Variants in CNTN5 observed in about 807,000 individuals in gnomAD.
CNTN5 encodes contactin 5, also known as contactin-5.
In CNTN5, 77 loss-of-function variants were observed where a neutral mutation model predicts 129.1. The ratio of observed to expected loss-of-function variants is 0.60; its 90% CI spans 0.50 to 0.72. The LOEUF (loss-of-function observed/expected upper bound fraction) is 0.72, where lower values mean the gene tolerates loss of function less well. Ranked by LOEUF, CNTN5 falls within the 30% of genes least tolerant of loss-of-function variation. The probability of loss-of-function intolerance (pLI) is 0.00; values close to 1 mark genes in which losing one functional copy is unlikely to be tolerated. For missense variants in CNTN5, 1,478 were observed against 1,328.8 expected (o/e 1.11, Z -1.75); for synonymous variants, 509 against 465.6 (o/e 1.09, Z -1.20).
intron 1 of CNTN5, among the ~76,000 whole-genome samples, chr11:99,235,083 T>G (rs1235250208): frequency 6.6e-6 from 1 of 151,758 alleles, no homozygotes; most frequent in Non-Finnish European, 1.5e-5. Context: ...CTTAAAATTA[T>G]ATTGGTAATT....
chr11:99,418,074 T>G (rs1942738335), intron 2 of CNTN5, among the ~76,000 whole-genome samples: 1 of 152,156 alleles, frequency 6.6e-6, no homozygotes, highest in Admixed American at 6.6e-5. Flanking sequence ...ACTTCTCTTT[T>G]ATTTCTGCTG....
At chr11:100,276,852 T>C (rs979199306) in intron 18 of CNTN5, among the ~76,000 whole-genome samples, 5 of 151,266 alleles carry the variant, frequency 3.3e-5, no homozygotes, top group African/African-American at 1.2e-4. Flanking sequence ...AATGTACAAT[T>C]AATTTTTTTT....
At chr11:100,005,267 C>G (rs1940121801) in intron 9 of CNTN5, among the ~76,000 whole-genome samples, 1 of 151,178 alleles carries the variant, frequency 6.6e-6, no homozygotes, top group African/African-American at 2.5e-5. Flanking sequence ...CTTATCCTGT[C>G]CCCCCCACAA....
Position 99,290,082 on chromosome 11 carries a change from A to G in CNTN5, c.-209-35264A>G, listed in dbSNP as rs949810476. On this transcript the variant is annotated intron_variant, in intron 1 of 24. Transcript: ENST00000524871. ...TCTGAATATTTTTAATACCTCCAGA[A>G]CACTGTCCTTCTTATTTAAAATTAT... Among the ~76,000 whole-genome samples the G allele has an allele frequency of 7.9e-5, 12 of 151,848 alleles. 1 individual carries two copies. Among genetic ancestry groups the G allele is most frequent in the Non-Finnish European group, 1.5e-4 (10 of 67,760 alleles).
At chr11:99,698,073 T>G (rs1954350632) in intron 3 of CNTN5, among the ~76,000 whole-genome samples, 1 of 149,270 alleles carries the variant, frequency 6.7e-6, no homozygotes, top group Admixed American at 6.7e-5. Context: ...TTTTTTTTTT[T>G]AACTTCTGAA....
intron 1 of CNTN5, among the ~76,000 whole-genome samples, chr11:99,162,598 C>T (rs1259332553): frequency 6.6e-6 from 1 of 152,050 alleles, no homozygotes; most frequent in Non-Finnish European, 1.5e-5. Context: ...ATATTTTCTT[C>T]CTATAATACA....
chr11:99,123,844 T>C (rs1233121092), intron 1 of CNTN5, among the ~76,000 whole-genome samples: 2 of 152,010 alleles, frequency 1.3e-5, no homozygotes, highest in Non-Finnish European at 2.9e-5. Context: ...TTTTTCAAAG[T>C]TCAGGTGGTT....
chr11:100,243,247 G>A (rs1305383769), intron 16 of CNTN5, among the ~76,000 whole-genome samples: 1 of 152,230 alleles, frequency 6.6e-6, no homozygotes, highest in Non-Finnish European at 1.5e-5. Flanking sequence ...TCTGGCTACA[G>A]GGAGTGTATA....
chr11:99,892,120 T>C (rs551894519), intron 6 of CNTN5, among the ~76,000 whole-genome samples: 126 of 152,230 alleles, frequency 8.3e-4, no homozygotes, highest in Non-Finnish European at 1.2e-3. Context: ...CACATAAATA[T>C]CTTCTCTTGA....
At position 99,229,545 on chromosome 11, in the gene CNTN5, A is replaced by G. The variant is rs531237247; in HGVS notation, c.-209-95801A>G. 3.0e-4 allele frequency among the ~76,000 whole-genome samples: 43 copies of G among 144,406 alleles called. No individual in the cohort carries two copies. In the South Asian group the frequency reaches 9.1e-3, roughly 31 times the overall value. 94.7% of individuals were successfully genotyped at this position (144,406 alleles called of 152,430 possible). On this transcript the variant is annotated intron_variant, in intron 1 of 24. Coordinates refer to ENST00000524871, the MANE Select transcript of CNTN5 (RefSeq NM_014361.4). ...ATTTTAGACAAAAAAAAAAAAAAGG[A>G]CACAGCAGGAGGTCAATAAAAGGGA...
At chr11:99,179,042 A>C (rs1028400024) in intron 1 of CNTN5, among the ~76,000 whole-genome samples, 1 of 152,206 alleles carries the variant, frequency 6.6e-6, no homozygotes, top group Non-Finnish European at 1.5e-5. Flanking sequence ...AAACATGGAA[A>C]TGCATATATC....
chr11:99,553,533 T>G (rs1461146846), intron 2 of CNTN5, among the ~76,000 whole-genome samples: 16 of 152,118 alleles, frequency 1.1e-4, no homozygotes, highest in Non-Finnish European at 2.9e-5. Context: ...ATTTACTTTT[T>G]ATTTTACTCA....
intron 8 of CNTN5, among the ~76,000 whole-genome samples, chr11:99,997,391 A>C (rs553319500): frequency 2.5e-4 from 38 of 152,214 alleles, no homozygotes; most frequent in Non-Finnish European, 4.7e-4. Flanking sequence ...ATGCAAATAA[A>C]CTAGAAAATC....
chr11:99,431,373 C>A (rs1011198461), intron 2 of CNTN5, among the ~76,000 whole-genome samples: 1 of 152,052 alleles, frequency 6.6e-6, no homozygotes, highest in Non-Finnish European at 1.5e-5. Flanking sequence ...TGAAAGCCAG[C>A]TGAAACTCCG....
At chr11:100,063,104 T>G (rs1943548002) in intron 10 of CNTN5, among the ~76,000 whole-genome samples, 1 of 152,118 alleles carries the variant, frequency 6.6e-6, no homozygotes, top group South Asian at 2.1e-4. Flanking sequence ...GTTCGAAGAA[T>G]GGCCCACACC....
At chr11:99,661,017 A>T (rs1183632381) in intron 3 of CNTN5, among the ~76,000 whole-genome samples, 1 of 152,134 alleles carries the variant, frequency 6.6e-6, no homozygotes, top group Admixed American at 6.6e-5. Flanking sequence ...GAAAATAATT[A>T]TATGAAAATA....
intron 2 of CNTN5, among the ~76,000 whole-genome samples, chr11:99,363,222 C>T (rs1939231560): frequency 6.6e-6 from 1 of 152,022 alleles, no homozygotes; most frequent in South Asian, 2.1e-4. Context: ...GAAAATAAGG[C>T]TTTCATCTCC....
intron 1 of CNTN5, among the ~76,000 whole-genome samples, chr11:99,220,063 C>T (rs1402255687): frequency 6.6e-6 from 1 of 151,944 alleles, no homozygotes; most frequent in East Asian, 1.9e-4. Flanking sequence ...ACACTCATTC[C>T]TGTCCTTTCC....
intron 1 of CNTN5, among the ~76,000 whole-genome samples, chr11:99,293,517 T>C (rs1426895544): frequency 6.6e-6 from 1 of 152,174 alleles, no homozygotes; most frequent in African/African-American, 2.4e-5. Context: ...TTTAAATGTT[T>C]GGTAGAATTT....
Sources: gnomAD v4.1 joint callset for allele counts (sites outside exome capture counted in the v4.1 genomes callset) on GRCh38, gnomAD v4.1.1 for gene constraint, MANE v1.5 for transcripts, NCBI Gene and HGNC (gene_info 2026-07-23, HGNC 2026-07-21) for gene names.